GYG1: variants seen among roughly 807,000 people sequenced by gnomAD.
GYG1 encodes the protein glycogenin 1, also known as glycogenin-1.
GYG1 carries 44 observed loss-of-function variants against 41.9 expected under a neutral mutation model. That is an observed-to-expected ratio of 1.05 (90% confidence interval 0.83 to 1.35). The LOEUF (loss-of-function observed/expected upper bound fraction) is 1.35, where lower values mean the gene tolerates loss of function less well. Among genes scored for constraint, GYG1 ranks in the 40% most tolerant of loss-of-function variants. GYG1 has a pLI of 0.00. For synonymous variants in GYG1, 141 were observed against 158.1 expected, an observed-to-expected ratio of 0.89 and a Z score of 0.81; for missense variants, 429 against 418.9, an observed-to-expected ratio of 1.02 and a Z score of -0.21.
At chr3:149,016,260 CAAA>C (rs369746026) in intron 5 of GYG1, among the ~76,000 whole-genome samples, 1 of 70,052 alleles carries the variant, frequency 1.4e-5, no homozygotes, top group Non-Finnish European at 2.7e-5. Flanking sequence ...GACTCCGTCT[CAAA>C]AAAAAAAAAA....
At chr3:148,997,441 A>G (rs923908647) in intron 4 of GYG1, among the ~76,000 whole-genome samples, 3 of 152,214 alleles carry the variant, frequency 2.0e-5, no homozygotes, top group Non-Finnish European at 2.9e-5. Context: ...TAGTATCTGC[A>G]GGGCCAAAAA....
rs754731017 is a variant in GYG1, at chr3:149,026,833, CG to C, written c.955del (p.Glu319LysfsTer52). ...IPAMAQPFVS[S>X]EERKERWEQG... ...GCTATGGCACAGCCGTTTGTATCCTCGGAAGAACGGAAGGAACGATGGGAAC... is the reference window on the plus strand; with the variant it reads ...GCTATGGCACAGCCGTTTGTATCCTCGAAGAACGGAAGGAACGATGGGAAC... On this transcript the variant is annotated frameshift_variant, in exon 8 of 8. Transcript: ENST00000345003. LOFTEE classifies it high-confidence loss of function. The C allele has an allele frequency of 6.2e-7, 1 of 1,613,896 alleles. No individual in the cohort carries two copies. The highest frequency in any genetic ancestry group is 1.1e-5 in the South Asian group (1 of 91,068).
rs1288310482 is a variant in GYG1 at position 149,031,352 on chromosome 3, T to C, written c.*4419T>C. 4.6e-5 allele frequency: 7 copies of C among 152,556 alleles called. No homozygotes were observed. The highest frequency in any genetic ancestry group is 1.7e-4 in the African/African-American group (7 of 41,432). The allele number at this position is 152,556 out of a possible 1,614,324, so 9.5% of individuals were successfully genotyped here. On this transcript the variant is annotated 3_prime_UTR_variant, in exon 8 of 8. Transcript: ENST00000345003. ...CCATCCAGATATCACGCCTCTCACA[T>C]ATAGTAGTCTTCTGAATTATAAAAA...
Position 148,996,307 on chromosome 3 carries a change from T to G in GYG1, c.149T>G (p.Val50Gly). 6.2e-7 allele frequency: 1 copy of G among 1,609,910 alleles called. No homozygotes were observed. The highest frequency in any genetic ancestry group is 1.1e-5 in the South Asian group (1 of 90,948). ...TPQVSDSMRK[V>G]LETVFDEVIM... ...TCTGGATTTTATTTTGACAGAAAAG[T>G]TTTAGAGACAGTCTTTGATGAAGTC... The change falls in exon 3 of 8, where the codon GTT (valine) becomes GGT (glycine). Residue 50 changes from valine (V) to glycine (G), a missense_variant. Transcript: ENST00000345003.
At chr3:149,019,156 G>C (rs1714227680) in intron 5 of GYG1, among the ~76,000 whole-genome samples, 1 of 151,792 alleles carries the variant, frequency 6.6e-6, no homozygotes, top group Non-Finnish European at 1.5e-5. Flanking sequence ...AAACAGGGCT[G>C]AGCATACCTA....
In GYG1 at chr3:149,018,916, G is replaced by A. The variant is rs575434022; in HGVS notation, c.609-5137G>A. Among the ~76,000 whole-genome samples the A allele has an allele frequency of 1.1e-4, 16 of 151,816 alleles. 1 individual carries two copies. The South Asian group carries it at 2.9e-3, about 28-fold the overall frequency. ...AAAAATAAAAATAAAATAAAAATACGAAAACTAGCCAGTCATAGTGGCCTG... is the reference window on the plus strand; with the variant it reads ...AAAAATAAAAATAAAATAAAAATACAAAAACTAGCCAGTCATAGTGGCCTG... On this transcript the variant is annotated intron_variant, in intron 5 of 7. Transcript: ENST00000345003.
chr3:148,996,537 T>C, intron 3 of GYG1, 61 bp downstream of exon 3: 2 of 1,434,002 alleles, frequency 1.4e-6, no homozygotes, highest in Non-Finnish European at 2.0e-6. Context: ...TGGAGACCTG[T>C]AGGCATTTGA....
chr3:148,996,673 A>G (rs937888067), intron 3 of GYG1, 69 bp from the exon 4 acceptor site: 2 of 1,445,476 alleles, frequency 1.4e-6, no homozygotes, highest in South Asian at 2.3e-5. Context: ...TGGATGACAT[A>G]GGAAGAACTC....
chr3:149,009,370 C>G lies in GYG1; in HGVS notation c.576C>G (p.Ile192Met). The G allele has an allele frequency of 6.2e-7, 1 of 1,612,884 alleles. No individual in the cohort carries two copies. Among genetic ancestry groups the G allele is most frequent in the Non-Finnish European group, 8.5e-7 (1 of 1,178,886 alleles). Residue 192 changes from isoleucine to methionine, a missense_variant, in exon 5 of 8, where the codon ATC becomes ATG. Physicochemically the swap from Ile to Met is conservative, Grantham distance 10. Transcript: ENST00000345003. ...HLPFIYNLSS[I>M]SIYSYLPAFK... is the part of the protein sequence containing the mutation. ...CGTTTATTTATAACCTAAGCAGCAT[C>G]TCTATATACTCCTACCTCCCGGCAT... is the stretch of plus-strand genomic sequence containing the variant.
At chr3:148,993,177 T>TG (rs1249024460) in intron 1 of GYG1, among the ~76,000 whole-genome samples, 1 of 151,936 alleles carries the variant, frequency 6.6e-6, no homozygotes, top group Non-Finnish European at 1.5e-5. Context: ...AGGGAATGAC[T>TG]GGAGAAATCT....
chr3:149,020,807 G>A (rs539418204), intron 5 of GYG1, among the ~76,000 whole-genome samples: 10 of 152,338 alleles, frequency 6.6e-5, no homozygotes, highest in African/African-American at 2.4e-4. Flanking sequence ...GGATCAAACA[G>A]TTTAATACAA....
chr3:149,011,374 TTTAA>T (rs1212617037), intron 5 of GYG1, among the ~76,000 whole-genome samples: 13 of 152,290 alleles, frequency 8.5e-5, no homozygotes, highest in Admixed American at 5.2e-4. Context: ...TTGCTTATAG[TTTAA>T]TTGACTGAAT....
chr3:149,020,876 G>A (rs535698850), intron 5 of GYG1, among the ~76,000 whole-genome samples: 6 of 152,258 alleles, frequency 3.9e-5, no homozygotes, highest in East Asian at 3.9e-4. Flanking sequence ...AGGGGTGGGC[G>A]TCCGAGGAGG....
In GYG1 at chr3:148,996,359, C is replaced by A. The variant is rs149479866; in HGVS notation, c.201C>A (p.Gly67=). Residue 67 remains glycine (G), a synonymous_variant, in exon 3 of 8, where the codon GGC becomes GGA. Transcript: ENST00000345003. ...EVIMVDVLDS[G]DSAHLTLMKR... is the part of the protein sequence containing the mutation. ...TCATGGTAGATGTCTTGGACAGTGG[C>A]GATTCTGCTCATCTAACCTTAATGA... The A allele has an allele frequency of 3.7e-6, 6 of 1,611,408 alleles. No homozygotes were observed. The South Asian group carries it at 6.6e-5, about 18-fold the overall frequency.
At chr3:149,025,342 A>T (rs1353283736) in intron 6 of GYG1, among the ~76,000 whole-genome samples, 2 of 152,170 alleles carry the variant, frequency 1.3e-5, no homozygotes, top group Admixed American at 6.5e-5. Flanking sequence ...TCACGCTTCT[A>T]TGAGAATCTA....
At chr3:149,022,105 A>G (rs1714401379) in intron 5 of GYG1, among the ~76,000 whole-genome samples, 1 of 152,158 alleles carries the variant, frequency 6.6e-6, no homozygotes, top group African/African-American at 2.4e-5. Flanking sequence ...CTCTGCTCCC[A>G]TTGAAGCTGG....
chr3:149,025,087 G>A (rs1714582041), intron 6 of GYG1, among the ~76,000 whole-genome samples: 1 of 152,128 alleles, frequency 6.6e-6, no homozygotes, highest in South Asian at 2.1e-4. Context: ...AAGGAGAAAG[G>A]GAGAAAAACT....
chr3:148,993,895 T>C (rs1044425122), intron 1 of GYG1, among the ~76,000 whole-genome samples: 3 of 152,182 alleles, frequency 2.0e-5, no homozygotes, highest in Non-Finnish European at 4.4e-5. Flanking sequence ...GAATTTAGCG[T>C]GTCGGATTTA....
chr3:149,006,271 C>T (rs534478671), intron 4 of GYG1, among the ~76,000 whole-genome samples: 11 of 151,876 alleles, frequency 7.2e-5, no homozygotes, highest in African/African-American at 1.2e-4. Context: ...TTAGTAGAGA[C>T]GGGGTTTCAC....
Sources: gnomAD v4.1 joint callset for allele counts (sites outside exome capture counted in the v4.1 genomes callset) on GRCh38, gnomAD v4.1.1 for gene constraint, MANE v1.5 for transcripts, NCBI Gene and HGNC (gene_info 2026-07-23, HGNC 2026-07-21) for gene names.